Variants in DSCAML1 observed in about 807,000 individuals in gnomAD.
DSCAML1 encodes cell adhesion molecule DSCAML1.
In DSCAML1, 38 loss-of-function variants were observed where a neutral mutation model predicts 200.5. The ratio of observed to expected loss-of-function variants is 0.19; its 90% confidence interval spans 0.15 to 0.25. The LOEUF (loss-of-function observed/expected upper bound fraction) is 0.25, where lower values mean the gene tolerates loss of function less well. Ranked by LOEUF, DSCAML1 falls within the 10% of genes least tolerant of loss-of-function variation. The pLI is 1.00. For synonymous variants in DSCAML1, 1,215 were observed against 1,165.0 expected (o/e 1.04, Z -0.87); for missense variants, 2,223 against 2,858.8 (o/e 0.78, Z 5.07).
intron 3 of DSCAML1, among the ~76,000 whole-genome samples, chr11:117,595,279 C>A (rs901400002): frequency 2.0e-5 from 3 of 152,006 alleles, no homozygotes; most frequent in African/African-American, 7.3e-5. Context: ...CTACTTTTTC[C>A]TGATTAAAAT....
At chr11:117,679,725 G>T (rs1022654138) in intron 3 of DSCAML1, among the ~76,000 whole-genome samples, 3 of 152,126 alleles carry the variant, frequency 2.0e-5, no homozygotes, top group Non-Finnish European at 2.9e-5. Context: ...GGATTCCTGG[G>T]GAGGCCAGAA....
intron 1 of DSCAML1, among the ~76,000 whole-genome samples, chr11:117,788,350 G>A (rs140745970): frequency 2.5e-3 from 374 of 152,100 alleles, no homozygotes; most frequent in African/African-American, 7.8e-3. Context: ...GTTTTGAGAC[G>A]GAGTCTGGCT....
rs1399439200 is a variant in DSCAML1 at position 117,741,398 on chromosome 11, T to C, written c.511+35393A>G. On this transcript the variant is annotated intron_variant, in intron 3 of 32. Transcript: ENST00000651296. ...AGAGCCAGAGGTTAAAGACAATGGA[T>C]TGTTAGTTAGCCTGGATCCCTGGAT... Among the ~76,000 whole-genome samples the C allele has an allele frequency of 3.3e-5, 5 of 152,350 alleles. No homozygotes were observed. The East Asian group carries it at 9.6e-4, about 29-fold the overall frequency.
At position 117,578,131 on chromosome 11, in the gene DSCAML1, A is replaced by G. The variant is rs916947839; in HGVS notation, c.512-45609T>C. 8.2e-5 allele frequency among the ~76,000 whole-genome samples: 12 copies of G among 146,082 alleles called. 1 individual carries two copies. The highest frequency in any genetic ancestry group is 7.0e-4 in the South Asian group (3 of 4,302). On this transcript the variant is annotated intron_variant, in intron 3 of 32. Coordinates refer to ENST00000651296, the MANE Select transcript of DSCAML1 (RefSeq NM_020693.4). ...ATGACTGTAATCCCAGCTACTCGGG[A>G]GGCTGAGGCAGGAGAATTGCCTGAA...
intron 3 of DSCAML1, among the ~76,000 whole-genome samples, chr11:117,555,442 GGGA>G (rs2050543304): frequency 6.6e-6 from 1 of 152,174 alleles, no homozygotes; most frequent in South Asian, 2.1e-4. Flanking sequence ...AAGGTGCGCA[GGGA>G]GCCCAGAGGA....
At position 117,505,759 on chromosome 11, in the gene DSCAML1, C is replaced by G; in HGVS notation, c.1784-27G>C. ...TGGGAAGGCAAGCGGGTGCTGCCGT[C>G]AGGACCCTGTGCATTCTCACCTGGC... is the stretch of plus-strand genomic sequence containing the variant. On this transcript the variant is annotated intron_variant, in intron 8 of 32. Coordinates refer to ENST00000651296, the MANE Select transcript of DSCAML1 (RefSeq NM_020693.4). The surrounding 1 kb of genome is among the most constrained non-coding windows in gnomAD (Gnocchi z 6.7). 3 of 1,593,998 alleles carry G rather than the reference C, an allele frequency of 1.9e-6. No homozygotes were observed. The highest frequency in any genetic ancestry group is 1.7e-5 in the Admixed American group (1 of 59,650).
rs142392829 is a variant in DSCAML1 at position 117,780,217 on chromosome 11, G to GAAA, written c.364+275_364+276insTTT. On this transcript the variant is annotated intron_variant, in intron 2 of 32. Transcript: ENST00000651296. This position sits in a 1 kb window ranked among gnomAD's most constrained non-coding sequence, Gnocchi z 4.8. ...AAAGAAAGAGAAAGAAAGAGAGAGA[G>GAAA]AGAAAGAAAGAAAGGAAAGAAAGAA... Among the ~76,000 whole-genome samples, 1 of 76,998 alleles carries GAAA rather than the reference G, an allele frequency of 1.3e-5. No individual in the cohort carries two copies. 50.5% of individuals were successfully genotyped at this position (76,998 alleles called of 152,430 possible). A position where few individuals can be genotyped will look rare whatever the true frequency, so the allele number is the denominator to read the frequency against.
At position 117,478,182 on chromosome 11, in the gene DSCAML1, G is replaced by C. The variant is rs572229182; in HGVS notation, c.2785+2261C>G. ...GCCCCTGCTGAGGGGTGCCCCAGGA[G>C]AGGCTCCCACGCATTAGAGACTGGT... On this transcript the variant is annotated intron_variant, in intron 14 of 32. Coordinates refer to ENST00000651296, the MANE Select transcript of DSCAML1 (RefSeq NM_020693.4). Among the ~76,000 whole-genome samples the C allele has an allele frequency of 2.0e-5, 3 of 152,318 alleles. No individual in the cohort carries two copies. The East Asian group carries it at 5.8e-4, about 29-fold the overall frequency.
chr11:117,641,262 T>C (rs2052400492), intron 3 of DSCAML1, among the ~76,000 whole-genome samples: 1 of 152,212 alleles, frequency 6.6e-6, no homozygotes, highest in Admixed American at 6.5e-5. Context: ...CTCCCCACCC[T>C]TAATGATGGA....
intron 3 of DSCAML1, among the ~76,000 whole-genome samples, chr11:117,592,590 G>A (rs1379111421): frequency 1.3e-5 from 2 of 152,168 alleles, no homozygotes; most frequent in Admixed American, 6.5e-5. Context: ...TAGGCTCACC[G>A]ATGGTCCATA....
chr11:117,438,274 C>A (rs909284701), intron 24 of DSCAML1, among the ~76,000 whole-genome samples, 191 bp from the exon 25 acceptor site: 14 of 151,054 alleles, frequency 9.3e-5, no homozygotes, highest in African/African-American at 3.2e-4. Flanking sequence ...CTATGTTAAA[C>A]CAACCAATCA....
chr11:117,452,967 G>A (rs1252714850), intron 19 of DSCAML1, among the ~76,000 whole-genome samples: 1 of 152,044 alleles, frequency 6.6e-6, no homozygotes, highest in South Asian at 2.1e-4. Context: ...CTCTCACTCT[G>A]TTGCTCAGGC....
intron 3 of DSCAML1, among the ~76,000 whole-genome samples, chr11:117,752,814 G>A (rs955262069): frequency 1.3e-5 from 2 of 152,242 alleles, no homozygotes; most frequent in Non-Finnish European, 2.9e-5. Context: ...GCTGCAGCAC[G>A]AGGGCCCTGT....
chr11:117,639,247 G>A (rs2052351337), intron 3 of DSCAML1, among the ~76,000 whole-genome samples: 1 of 151,368 alleles, frequency 6.6e-6, no homozygotes, highest in African/African-American at 2.4e-5. Flanking sequence ...ATGGATGGGA[G>A]GCTGGGTGGG....
At chr11:117,442,340 ATG>A (rs759334870) in intron 21 of DSCAML1, among the ~76,000 whole-genome samples, 11 of 150,628 alleles carry the variant, frequency 7.3e-5, no homozygotes, top group East Asian at 6.0e-4. Context: ...TATAGTGTGT[ATG>A]TGTGTGCATG....
chr11:117,719,508 A>C (rs1396252005), intron 3 of DSCAML1, among the ~76,000 whole-genome samples: 1 of 152,272 alleles, frequency 6.6e-6, no homozygotes, highest in Non-Finnish European at 1.5e-5. Flanking sequence ...CCAAGATCAC[A>C]AAGTTAATAT....
intron 3 of DSCAML1, among the ~76,000 whole-genome samples, chr11:117,570,169 G>A (rs558107674): frequency 2.6e-5 from 4 of 152,216 alleles, no homozygotes; most frequent in Admixed American, 6.5e-5. Context: ...CTAGAATGGC[G>A]GGGTCGGCTG....
intron 3 of DSCAML1, among the ~76,000 whole-genome samples, chr11:117,627,667 C>A (rs1227337531): frequency 2.0e-5 from 3 of 152,080 alleles, no homozygotes; most frequent in South Asian, 4.2e-4. Flanking sequence ...TTCGGGAACT[C>A]CTGCGCCAGG....
intron 3 of DSCAML1, among the ~76,000 whole-genome samples, chr11:117,536,838 C>A (rs2050180615): frequency 6.6e-6 from 1 of 152,128 alleles, no homozygotes; most frequent in Admixed American, 6.5e-5. Context: ...AAGACCCTGA[C>A]CTGTTTTGCC....
Sources: gnomAD v4.1 joint callset for allele counts (sites outside exome capture counted in the v4.1 genomes callset) on GRCh38, gnomAD v4.1.1 for gene constraint, Gnocchi (gnomAD v3.1) non-coding constraint, MANE v1.5 for transcripts, NCBI Gene and HGNC (gene_info 2026-07-23, HGNC 2026-07-21) for gene names.